Variants in CLVS1 observed in about 807,000 individuals in gnomAD.
The protein encoded by CLVS1 is clavesin 1.
In CLVS1, 10 loss-of-function variants were observed where a neutral mutation model predicts 33.1. That is an observed-to-expected ratio of 0.30 (90% CI 0.19 to 0.51). The LOEUF (loss-of-function observed/expected upper bound fraction) is 0.51. Ranked by LOEUF, CLVS1 falls within the 20% of genes least tolerant of loss-of-function variation. The pLI is 0.97. For synonymous variants in CLVS1, 163 were observed against 166.1 expected, an observed-to-expected ratio of 0.98 and a Z score of 0.14; for missense variants, 343 against 433.4, an observed-to-expected ratio of 0.79 and a Z score of 1.85.
intron 2 of CLVS1, among the ~76,000 whole-genome samples, chr8:61,196,756 TC>T (rs1807622078): frequency 6.6e-6 from 1 of 152,194 alleles, no homozygotes; most frequent in Non-Finnish European, 1.5e-5. Flanking sequence ...GACAGACATT[TC>T]CCCCTTTGCT....
chr8:61,374,983 GA>G (rs35073924), intron 2 of CLVS1, among the ~76,000 whole-genome samples: 3 of 152,078 alleles, frequency 2.0e-5, no homozygotes, highest in South Asian at 2.1e-4. Context: ...TCTCTCTCCT[GA>G]AAAAGTCTTG....
At chr8:61,256,863 G>A (rs939733036) in intron 2 of CLVS1, among the ~76,000 whole-genome samples, 3 of 152,178 alleles carry the variant, frequency 2.0e-5, no homozygotes, top group African/African-American at 7.2e-5. Flanking sequence ...CAGAGCTTCT[G>A]TTGGCTTAAA....
intron 2 of CLVS1, among the ~76,000 whole-genome samples, chr8:61,193,663 C>G (rs4103616): frequency 0.35 from 53,019 of 151,270 alleles, 11,599 homozygotes; most frequent in Middle Eastern, 0.57. Flanking sequence ...TTCTACAAAA[C>G]TATCAAGAAT....
chr8:61,491,659 C>A (rs1351944207), intron 5 of CLVS1, among the ~76,000 whole-genome samples: 2 of 152,162 alleles, frequency 1.3e-5, no homozygotes, highest in African/African-American at 4.8e-5. Flanking sequence ...GCTAAGAATG[C>A]TAACTGTTCT....
At chr8:61,407,534 G>A (rs1400114072) in intron 3 of CLVS1, among the ~76,000 whole-genome samples, 4 of 152,042 alleles carry the variant, frequency 2.6e-5, no homozygotes, top group African/African-American at 9.7e-5. Context: ...AAATAAAGCA[G>A]GTAAAGAAAC....
chr8:61,067,910 C>T (rs950298303), intron 1 of CLVS1, among the ~76,000 whole-genome samples: 1 of 151,790 alleles, frequency 6.6e-6, no homozygotes, highest in East Asian at 1.9e-4. Context: ...CAACCATACC[C>T]CAAACCTCAG....
the CLVS1 span, among the ~76,000 whole-genome samples, chr8:61,023,650 G>C: frequency 6.6e-6 from 1 of 152,202 alleles, no homozygotes. Context: ...CGCAGCGCTC[G>C]TGGCGGGCCC....
At chr8:61,439,179 CT>C (rs1038432935) in intron 3 of CLVS1, among the ~76,000 whole-genome samples, 16 of 152,324 alleles carry the variant, frequency 1.1e-4, no homozygotes, top group Admixed American at 3.9e-4. Flanking sequence ...CATACTGTCA[CT>C]TCTGGCATCG....
At chr8:61,314,971 A>G (rs780359317) in intron 2 of CLVS1, among the ~76,000 whole-genome samples, 1 of 152,188 alleles carries the variant, frequency 6.6e-6, no homozygotes, top group Non-Finnish European at 1.5e-5. Context: ...ATTTTATAAC[A>G]TCTCATCGGT....
intron 2 of CLVS1, among the ~76,000 whole-genome samples, chr8:61,349,912 C>T (rs904178756): frequency 6.6e-6 from 1 of 152,060 alleles, no homozygotes; most frequent in African/African-American, 2.4e-5. Flanking sequence ...ATGCAAATAA[C>T]CCCTGAACTG....
intron 2 of CLVS1, among the ~76,000 whole-genome samples, chr8:61,357,961 G>C (rs1346806903): frequency 6.6e-6 from 1 of 152,170 alleles, no homozygotes; most frequent in Non-Finnish European, 1.5e-5. Context: ...CAGACAGGAA[G>C]TTCAAATCTT....
chr8:61,271,837 C>T (rs1375949287), intron 2 of CLVS1, among the ~76,000 whole-genome samples: 6 of 150,146 alleles, frequency 4.0e-5, no homozygotes, highest in Non-Finnish European at 8.9e-5. Flanking sequence ...AGGATTGCAA[C>T]CCCTGCCTTT....
the CLVS1 span, chr8:60,967,848 G>A: frequency 1.8e-5 from 6 of 340,750 alleles, no homozygotes; most frequent in Admixed American, 4.0e-5. Flanking sequence ...CAATGAGAGC[G>A]GGTGACGTTT....
At chr8:61,001,138 A>C in the CLVS1 span, among the ~76,000 whole-genome samples, 1 of 151,862 alleles carries the variant, frequency 6.6e-6, no homozygotes. Context: ...TGCTGTTTCC[A>C]TTTCATTGTA....
intron 1 of CLVS1, among the ~76,000 whole-genome samples, chr8:61,094,966 C>A (rs183672463): frequency 6.6e-6 from 1 of 152,212 alleles, no homozygotes; most frequent in African/African-American, 2.4e-5. Flanking sequence ...CAATGTAAAC[C>A]CCATGATTAT....
rs369000757 is a variant in CLVS1 at position 61,121,144 on chromosome 8, C to G, written c.-242-10626C>G. Reference sequence around the variant, plus strand: ...GGGAGTGACCCGATTTTCCAGGTGCCGTCAGTCACCCCTTTCTTTGACTCG... The same window carrying G: ...GGGAGTGACCCGATTTTCCAGGTGCGGTCAGTCACCCCTTTCTTTGACTCG... On this transcript the variant is annotated intron_variant, in intron 1 of 2. Coordinates refer to the CLVS1 transcript ENST00000522621. Among the ~76,000 whole-genome samples the G allele has an allele frequency of 9.5e-3, 1,447 of 151,974 alleles. 19 individuals are homozygous for G. Among genetic ancestry groups the G allele is most frequent in the African/African-American group, 0.033 (1,374 of 41,390 alleles).
chr8:61,327,714 T>G (rs1585807324), intron 2 of CLVS1, among the ~76,000 whole-genome samples: 1 of 152,316 alleles, frequency 6.6e-6, no homozygotes, highest in African/African-American at 2.4e-5. Context: ...CCACTGACTC[T>G]ACACCTAAGT....
chr8:61,038,851 C>G, the CLVS1 span, among the ~76,000 whole-genome samples: 1 of 152,214 alleles, frequency 6.6e-6, no homozygotes, highest in African/African-American at 2.4e-5. Flanking sequence ...TCACGAACAC[C>G]TGTCTGTACT....
chr8:61,396,193 A>C (rs1193233313), intron 3 of CLVS1, among the ~76,000 whole-genome samples: 1 of 152,100 alleles, frequency 6.6e-6, no homozygotes, highest in East Asian at 1.9e-4. Context: ...AGTTTTCCTA[A>C]CTTTTCTTTC....
Sources: allele counts gnomAD v4.1 joint callset (sites outside exome capture counted in the v4.1 genomes callset), GRCh38; gene constraint gnomAD v4.1.1; transcripts MANE v1.5; gene names NCBI Gene and HGNC (gene_info 2026-07-23, HGNC 2026-07-21).